The following MAF variants were observed in gnomAD, a reference collection of about 807,000 sequenced individuals.
The protein encoded by MAF is MAF bZIP transcription factor, also known as transcription factor Maf.
Under a neutral mutation model 22.0 loss-of-function variants are expected in MAF, and 10 were observed. The ratio of observed to expected loss-of-function variants is 0.45; its 90% CI spans 0.28 to 0.77. The LOEUF is 0.77. MAF is among the 30% of genes least tolerant of loss of function. MAF has a pLI of 0.12. For synonymous variants in MAF, 337 were observed against 255.8 expected (o/e 1.32, Z -3.03); for missense variants, 544 against 548.4 (o/e 0.99, Z 0.08).
At chr16:79,571,997 C>G in the MAF span, among the ~76,000 whole-genome samples, 6 of 152,198 alleles carry the variant, frequency 3.9e-5, no homozygotes, top group Admixed American at 2.0e-4. Context: ...AAGACTATGA[C>G]TGCATTGGTG....
chr16:79,279,109 A>G, the MAF span, among the ~76,000 whole-genome samples: 2 of 152,186 alleles, frequency 1.3e-5, no homozygotes, highest in East Asian at 1.9e-4. Context: ...CCTGTCATCA[A>G]CATTTTATAG....
chr16:79,283,180 G>A, the MAF span, among the ~76,000 whole-genome samples: 1 of 152,158 alleles, frequency 6.6e-6, no homozygotes, highest in Non-Finnish European at 1.5e-5. Flanking sequence ...ATAGATGGAC[G>A]GATGAATGGA....
the MAF span, among the ~76,000 whole-genome samples, chr16:79,310,425 A>G: frequency 6.6e-6 from 1 of 152,094 alleles, no homozygotes; most frequent in Non-Finnish European, 1.5e-5. Flanking sequence ...CAGCTGGAAA[A>G]GCCTCTTTGT....
chr16:79,300,339 C>G, the MAF span, among the ~76,000 whole-genome samples: 4 of 152,050 alleles, frequency 2.6e-5, no homozygotes, highest in African/African-American at 7.2e-5. Flanking sequence ...GGTGGATCAC[C>G]AGGTCAGGAG....
At chr16:79,273,874 T>C in the MAF span, among the ~76,000 whole-genome samples, 1 of 152,234 alleles carries the variant, frequency 6.6e-6, no homozygotes, top group African/African-American at 2.4e-5. Flanking sequence ...ATGGATATCT[T>C]TGAGGGACTA....
the MAF span, among the ~76,000 whole-genome samples, chr16:79,370,792 C>T: frequency 6.6e-5 from 10 of 152,168 alleles, no homozygotes; most frequent in Non-Finnish European, 1.5e-4. Flanking sequence ...CAGAATCCAC[C>T]TCCCAATTTC....
At chr16:79,410,576 T>C in the MAF span, among the ~76,000 whole-genome samples, 1 of 152,218 alleles carries the variant, frequency 6.6e-6, no homozygotes, top group Non-Finnish European at 1.5e-5. Context: ...GACAAGTCCC[T>C]GATCTCAAGG....
chr16:79,305,449 G>C, the MAF span, among the ~76,000 whole-genome samples: 14 of 152,242 alleles, frequency 9.2e-5, no homozygotes, highest in Admixed American at 7.2e-4. Flanking sequence ...TGGGGCTTGT[G>C]GGGAGTGTGA....
the MAF span, among the ~76,000 whole-genome samples, chr16:79,213,549 T>C: frequency 2.0e-5 from 3 of 152,248 alleles, no homozygotes; most frequent in Admixed American, 2.0e-4. Context: ...CTTGGCCAAT[T>C]TGGAAAGTGC....
the MAF span, among the ~76,000 whole-genome samples, chr16:79,404,378 A>C: frequency 6.6e-6 from 1 of 152,136 alleles, no homozygotes; most frequent in Middle Eastern, 3.4e-3. Context: ...TGGCCAGGAT[A>C]GTCTCGATCT....
the MAF span, among the ~76,000 whole-genome samples, chr16:79,428,890 G>C: frequency 2.2e-5 from 3 of 135,172 alleles, no homozygotes; most frequent in Admixed American, 8.1e-5. Flanking sequence ...GAAAGGGAGA[G>C]GACCATCCTT....
chr16:79,410,322 C>T, the MAF span, among the ~76,000 whole-genome samples: 1 of 152,212 alleles, frequency 6.6e-6, no homozygotes, highest in Non-Finnish European at 1.5e-5. Context: ...CTCAGCTAAA[C>T]TCCTTTAAAT....
the MAF span, among the ~76,000 whole-genome samples, chr16:79,420,313 C>T: frequency 6.6e-6 from 1 of 152,152 alleles, no homozygotes; most frequent in African/African-American, 2.4e-5. Context: ...GGACAGGGCA[C>T]CCACTCCAGG....
the MAF span, among the ~76,000 whole-genome samples, chr16:79,392,489 G>C: frequency 1.5e-5 from 2 of 130,090 alleles, no homozygotes; most frequent in African/African-American, 5.7e-5. Context: ...GGGATGGAGA[G>C]ATAGGAGGAG....
chr16:79,593,626 T>C (rs1040368576), downstream of MAF, among the ~76,000 whole-genome samples: 1 of 152,258 alleles, frequency 6.6e-6, no homozygotes, highest in Non-Finnish European at 1.5e-5. Flanking sequence ...GAGGAAATGA[T>C]GTCTCCGTAG....
At chr16:79,399,484 T>C in the MAF span, among the ~76,000 whole-genome samples, 1 of 152,236 alleles carries the variant, frequency 6.6e-6, no homozygotes, top group African/African-American at 2.4e-5. Context: ...GTGATAATAC[T>C]GAGGCCTAAC....
the MAF span, among the ~76,000 whole-genome samples, chr16:79,358,691 G>C: frequency 6.6e-6 from 1 of 152,236 alleles, no homozygotes; most frequent in Non-Finnish European, 1.5e-5. Context: ...AAGGCATGAA[G>C]TGCCGGCTGC....
At chr16:79,349,916 C>G in the MAF span, among the ~76,000 whole-genome samples, 1 of 152,196 alleles carries the variant, frequency 6.6e-6, no homozygotes, top group Admixed American at 6.5e-5. Flanking sequence ...TCATACTGAA[C>G]TTTTCATCGT....
the MAF span, among the ~76,000 whole-genome samples, chr16:79,469,458 C>T: frequency 7.2e-5 from 11 of 152,136 alleles, no homozygotes; most frequent in Non-Finnish European, 1.3e-4. Context: ...TCTCAATTTC[C>T]TCCTCTATAA....
Sources: allele counts gnomAD v4.1 joint callset (sites outside exome capture counted in the v4.1 genomes callset), GRCh38; gene constraint gnomAD v4.1.1; transcripts MANE v1.5; gene names NCBI Gene and HGNC (gene_info 2026-07-23, HGNC 2026-07-21).